SHROOM3: variants seen among roughly 807,000 people sequenced by gnomAD.
The protein encoded by SHROOM3 is shroom family member 3, also known as protein Shroom3.
In SHROOM3, 47 loss-of-function variants were observed where a neutral mutation model predicts 138.6. The observed-to-expected ratio is 0.34, with a 90% CI of 0.27 to 0.43. SHROOM3 has a LOEUF of 0.43. Ranked by LOEUF, SHROOM3 falls within the 20% of genes least tolerant of loss-of-function variation. The pLI is 1.00. For missense variants in SHROOM3, 2,491 were observed against 2,596.5 expected, an observed-to-expected ratio of 0.96 and a Z score of 0.88; for synonymous variants, 1,062 against 1,063.3, an observed-to-expected ratio of 1.00 and a Z score of 0.02.
chr4:76,642,397 CAA>C lies in SHROOM3; in HGVS notation c.324-67756_324-67755del, dbSNP rs1735696354. On this transcript the variant is annotated intron_variant, in intron 2 of 10. Coordinates refer to ENST00000296043, the MANE Select transcript of SHROOM3 (RefSeq NM_020859.4). Reference sequence around the variant, plus strand: ...CAGGATTTGAGGTGTTCAAGGAATTCAAAATAGACGTGATTGGATTTGAATGG... The same window carrying C: ...CAGGATTTGAGGTGTTCAAGGAATTCAATAGACGTGATTGGATTTGAATGG... 4.6e-5 allele frequency among the ~76,000 whole-genome samples: 7 copies of C among 152,230 alleles called. No individual in the cohort carries two copies. The South Asian group carries it at 1.2e-3, about 27-fold the overall frequency.
At chr4:76,647,137 G>A (rs536710398) in intron 2 of SHROOM3, among the ~76,000 whole-genome samples, 2 of 152,132 alleles carry the variant, frequency 1.3e-5, no homozygotes, top group Non-Finnish European at 2.9e-5. Flanking sequence ...GGTTCTTAAC[G>A]TTAAGTGAAA....
intron 5 of SHROOM3, among the ~76,000 whole-genome samples, chr4:76,743,609 C>A (rs932889636): frequency 2.6e-5 from 4 of 152,238 alleles, no homozygotes; most frequent in African/African-American, 9.6e-5. Flanking sequence ...AATTCCTCTT[C>A]ATTGCAGAAC....
At chr4:76,506,198 G>T (rs1460240272) in intron 1 of SHROOM3, among the ~76,000 whole-genome samples, 1 of 151,916 alleles carries the variant, frequency 6.6e-6, no homozygotes. Context: ...CACGGGTTGG[G>T]GGGAGGGCAT....
At chr4:76,591,597 T>A (rs1246163921) in intron 2 of SHROOM3, among the ~76,000 whole-genome samples, 2 of 152,220 alleles carry the variant, frequency 1.3e-5, no homozygotes, top group Non-Finnish European at 2.9e-5. Context: ...GCTACTTATA[T>A]ATTATTCAGA....
intron 5 of SHROOM3, among the ~76,000 whole-genome samples, chr4:76,744,400 A>G (rs1440867242): frequency 6.6e-6 from 1 of 152,194 alleles, no homozygotes. Flanking sequence ...CCAGGACTGC[A>G]TTCTTGAGCT....
chr4:76,619,919 AG>A (rs1734961202), intron 2 of SHROOM3, among the ~76,000 whole-genome samples: 1 of 151,982 alleles, frequency 6.6e-6, no homozygotes, highest in Non-Finnish European at 1.5e-5. Flanking sequence ...AAAATTACCC[AG>A]GAGTGGTGGC....
At chr4:76,755,851 G>T (rs1021882036) in intron 7 of SHROOM3, among the ~76,000 whole-genome samples, 34 of 152,194 alleles carry the variant, frequency 2.2e-4, no homozygotes, top group African/African-American at 8.2e-4. Flanking sequence ...GAATGAGAAA[G>T]AAGCATTCCC....
chr4:76,732,055 G>C (rs1343852898), intron 4 of SHROOM3, among the ~76,000 whole-genome samples: 2 of 152,244 alleles, frequency 1.3e-5, no homozygotes, highest in East Asian at 3.9e-4. Context: ...TCACACATTA[G>C]AGAGAGAACT....
intron 2 of SHROOM3, among the ~76,000 whole-genome samples, chr4:76,609,828 T>C (rs1734724974): frequency 6.6e-6 from 1 of 152,214 alleles, no homozygotes. Context: ...GAAGTAACAA[T>C]ATAAAAGATA....
rs114835460 is a variant in SHROOM3, at chr4:76,536,296, G to A, written c.169-19313G>A. Among the ~76,000 whole-genome samples the A allele has an allele frequency of 4.0e-3, 609 of 152,286 alleles. 3 individuals carry two copies. The highest frequency in any genetic ancestry group is 0.014 in the African/African-American group (586 of 41,548). ...CATGCAAAAATAGTCTTGGATGATG[G>A]GTTGAGAGATTGCCAGGAATCTCTG... On this transcript the variant is annotated intron_variant, in intron 1 of 10. Coordinates refer to ENST00000296043, the MANE Select transcript of SHROOM3 (RefSeq NM_020859.4).
chr4:76,471,246 CTTT>C (rs1310668142), intron 1 of SHROOM3, among the ~76,000 whole-genome samples: 6 of 141,460 alleles, frequency 4.2e-5, no homozygotes, highest in Non-Finnish European at 7.8e-5. Context: ...TCCTTTCTTT[CTTT>C]TTTTTTTTTT....
rs190405057 is a variant in SHROOM3, at chr4:76,527,104, A to G, written c.169-28505A>G. 3.9e-3 allele frequency among the ~76,000 whole-genome samples: 595 copies of G among 152,284 alleles called. 1 individual carries two copies. Among genetic ancestry groups the G allele is most frequent in the Non-Finnish European group, 6.3e-3 (428 of 68,018 alleles). ...TTCTCCTTCTCCTGTCTGAAGGAAG[A>G]AAGAAGGGGGCAGGCAGGGAAGGAA... On this transcript the variant is annotated intron_variant, in intron 1 of 10. Transcript: ENST00000296043.
chr4:76,513,606 G>A (rs1488566755), intron 1 of SHROOM3, among the ~76,000 whole-genome samples: 1 of 152,168 alleles, frequency 6.6e-6, no homozygotes, highest in African/African-American at 2.4e-5. Flanking sequence ...GAGCCACCGT[G>A]CCTGGCTGGA....
At chr4:76,513,691 C>T (rs1185798578) in intron 1 of SHROOM3, among the ~76,000 whole-genome samples, 6 of 152,088 alleles carry the variant, frequency 3.9e-5, no homozygotes, top group South Asian at 2.1e-4. Context: ...TGGGTAATTG[C>T]GGCAGAAAAG....
At chr4:76,455,180 A>C (rs1731003874) in intron 1 of SHROOM3, among the ~76,000 whole-genome samples, 1 of 152,140 alleles carries the variant, frequency 6.6e-6, no homozygotes, top group Admixed American at 6.5e-5. Flanking sequence ...TTCTATGTTG[A>C]ATACAAGTGG....
At chr4:76,753,932 C>CTAT (rs1267107972) in intron 6 of SHROOM3, among the ~76,000 whole-genome samples, 2 of 152,210 alleles carry the variant, frequency 1.3e-5, no homozygotes, top group Non-Finnish European at 2.9e-5. Flanking sequence ...GAGCTGGGAG[C>CTAT]TATTTCCTGA....
At chr4:76,756,414 TCTC>T (rs762191422) in intron 7 of SHROOM3, 32 bp from the exon 8 acceptor site, 544 of 1,523,522 alleles carry the variant, frequency 3.6e-4, no homozygotes, top group Middle Eastern at 6.6e-4. Context: ...TTTCTCTCTC[TCTC>T]TTTTTTTTTT....
intron 1 of SHROOM3, among the ~76,000 whole-genome samples, chr4:76,530,186 A>C (rs1732802254): frequency 6.6e-6 from 1 of 152,240 alleles, no homozygotes; most frequent in Non-Finnish European, 1.5e-5. Context: ...ATGGAAACGC[A>C]TTTAGGAATA....
At chr4:76,505,632 A>G (rs983487435) in intron 1 of SHROOM3, among the ~76,000 whole-genome samples, 3 of 151,664 alleles carry the variant, frequency 2.0e-5, no homozygotes, top group Admixed American at 6.6e-5. Flanking sequence ...ACTATTTACA[A>G]GCATTTACCT....
Sources: gnomAD v4.1 joint callset for allele counts (sites outside exome capture counted in the v4.1 genomes callset) on GRCh38, gnomAD v4.1.1 for gene constraint, MANE v1.5 for transcripts, NCBI Gene and HGNC (gene_info 2026-07-23, HGNC 2026-07-21) for gene names.